PAN3: variants seen among roughly 807,000 people sequenced by gnomAD.
The protein encoded by PAN3 is poly(A) specific ribonuclease subunit PAN3, also known as PAN2-PAN3 deadenylation complex subunit PAN3.
Under a neutral mutation model 96.2 loss-of-function variants are expected in PAN3, and 19 were observed. The observed-to-expected ratio is 0.20, with a 90% CI of 0.14 to 0.29. The LOEUF (loss-of-function observed/expected upper bound fraction) is 0.29, where lower values mean the gene tolerates loss of function less well. PAN3 is among the 10% of genes least tolerant of loss of function. PAN3 has a pLI of 1.00. For synonymous variants in PAN3, 433 were observed against 406.6 expected, an observed-to-expected ratio of 1.06 and a Z score of -0.78; for missense variants, 882 against 1,108.1, an observed-to-expected ratio of 0.80 and a Z score of 2.90.
chr13:28,148,394 C>T (rs1267815789), intron 1 of PAN3, among the ~76,000 whole-genome samples: 2 of 152,104 alleles, frequency 1.3e-5, no homozygotes, highest in Non-Finnish European at 2.9e-5. Context: ...GCAAATCTCT[C>T]TCCTCAGTCC....
At chr13:28,222,674 G>A (rs1178509736) in intron 6 of PAN3, among the ~76,000 whole-genome samples, 1 of 152,046 alleles carries the variant, frequency 6.6e-6, no homozygotes, top group Non-Finnish European at 1.5e-5. Context: ...ATGTTGTTTT[G>A]TTTAAGGAAG....
intron 6 of PAN3, among the ~76,000 whole-genome samples, chr13:28,238,696 T>C (rs1427815733): frequency 6.6e-6 from 1 of 152,214 alleles, no homozygotes; most frequent in African/African-American, 2.4e-5. Context: ...GAGTAACGTT[T>C]GTAAACAAAA....
intron 5 of PAN3, among the ~76,000 whole-genome samples, chr13:28,205,279 C>G (rs996872790): frequency 3.3e-5 from 5 of 151,886 alleles, no homozygotes; most frequent in Non-Finnish European, 7.4e-5. Flanking sequence ...ACTTAGGGTG[C>G]CTGGGGACTT....
intron 7 of PAN3, among the ~76,000 whole-genome samples, chr13:28,259,312 G>GTT (rs1005866304): frequency 2.8e-5 from 4 of 142,140 alleles, no homozygotes; most frequent in Admixed American, 7.0e-5. Context: ...TTTTTTTGTT[G>GTT]TTTTTTTTTT....
intron 6 of PAN3, among the ~76,000 whole-genome samples, chr13:28,233,085 GT>G (rs1882744759): frequency 6.6e-6 from 1 of 151,960 alleles, no homozygotes; most frequent in Non-Finnish European, 1.5e-5. Context: ...TTTTAAATCA[GT>G]AATTCTGAAA....
At chr13:28,140,378 A>G (rs575668362) in intron 1 of PAN3, among the ~76,000 whole-genome samples, 4 of 152,272 alleles carry the variant, frequency 2.6e-5, no homozygotes, top group African/African-American at 9.6e-5. Flanking sequence ...TAGGAGTCCT[A>G]CTTTCTTGGG....
intron 5 of PAN3, among the ~76,000 whole-genome samples, chr13:28,208,446 T>C (rs892780818): frequency 2.6e-5 from 4 of 152,188 alleles, no homozygotes. Flanking sequence ...TGGAGCACTT[T>C]TACATGTAAA....
intron 9 of PAN3, among the ~76,000 whole-genome samples, chr13:28,262,620 A>G (rs1039709046): frequency 6.6e-6 from 1 of 151,466 alleles, no homozygotes; most frequent in African/African-American, 2.4e-5. Context: ...GTTTAAAAAG[A>G]AAAAAAAATG....
intron 1 of PAN3, among the ~76,000 whole-genome samples, chr13:28,165,381 C>G (rs557810602): frequency 6.6e-6 from 1 of 151,440 alleles, no homozygotes; most frequent in Non-Finnish European, 1.5e-5. Flanking sequence ...TTAGCCTCCC[C>G]CAAAGTGCTG....
intron 17 of PAN3, among the ~76,000 whole-genome samples, chr13:28,284,455 C>A (rs1303989011): frequency 1.3e-5 from 2 of 148,598 alleles, no homozygotes; most frequent in East Asian, 3.9e-4. Flanking sequence ...GACCAAATTT[C>A]TTCTTTGCTT....
chr13:28,249,529 G>A (rs1284665030), intron 6 of PAN3, among the ~76,000 whole-genome samples: 1 of 151,820 alleles, frequency 6.6e-6, no homozygotes, highest in African/African-American at 2.4e-5. Context: ...GCTCACCACA[G>A]CCTCCACCTC....
At chr13:28,257,210 G>T (rs1483956036) in intron 7 of PAN3, among the ~76,000 whole-genome samples, 1 of 152,090 alleles carries the variant, frequency 6.6e-6, no homozygotes, top group Non-Finnish European at 1.5e-5. Flanking sequence ...TGGCCAGAAA[G>T]AAAGATTTCT....
intron 17 of PAN3, among the ~76,000 whole-genome samples, chr13:28,285,581 A>G (rs1370035223): frequency 6.6e-6 from 1 of 152,138 alleles, no homozygotes; most frequent in East Asian, 1.9e-4. Flanking sequence ...GTTCTGGGAC[A>G]TGGTCTTCAT....
At chr13:28,146,470 G>T (rs1417427657) in intron 1 of PAN3, among the ~76,000 whole-genome samples, 1 of 152,008 alleles carries the variant, frequency 6.6e-6, no homozygotes, top group East Asian at 1.9e-4. Context: ...TTCAGAGGTT[G>T]GAAGTCCCAG....
intron 7 of PAN3, among the ~76,000 whole-genome samples, chr13:28,257,277 C>T (rs750121351): frequency 1.3e-5 from 2 of 151,658 alleles, no homozygotes; most frequent in Non-Finnish European, 2.9e-5. Context: ...AGTCAGGGGG[C>T]GAGAATGAAT....
intron 5 of PAN3, chr13:28,215,776 G>T: frequency 1.4e-6 from 2 of 1,444,038 alleles, no homozygotes; most frequent in Non-Finnish European, 9.6e-7. Flanking sequence ...CTTCTGAGTT[G>T]TTTTGCTGTT....
At chr13:28,221,760 C>G (rs1320122243) in intron 6 of PAN3, among the ~76,000 whole-genome samples, 1 of 152,108 alleles carries the variant, frequency 6.6e-6, no homozygotes, top group Non-Finnish European at 1.5e-5. Flanking sequence ...ATTTTCCTTT[C>G]TTCCCTAGAG....
chr13:28,146,267 T>C (rs571222584), intron 1 of PAN3, among the ~76,000 whole-genome samples: 28 of 151,256 alleles, frequency 1.9e-4, no homozygotes, highest in African/African-American at 6.6e-4. Context: ...ATACCATATA[T>C]ACCTAAATAT....
intron 5 of PAN3, among the ~76,000 whole-genome samples, chr13:28,211,283 AG>A (rs560130437): frequency 5.3e-4 from 80 of 152,240 alleles, no homozygotes; most frequent in Non-Finnish European, 9.0e-4. Context: ...TCTCATTATT[AG>A]TACCCTCTCT....
Sources: gnomAD v4.1 joint callset for allele counts (sites outside exome capture counted in the v4.1 genomes callset) on GRCh38, gnomAD v4.1.1 for gene constraint, MANE v1.5 for transcripts, NCBI Gene and HGNC (gene_info 2026-07-23, HGNC 2026-07-21) for gene names.